The following CFAP47 variants were observed in gnomAD, a reference collection of about 807,000 sequenced individuals.
The protein encoded by CFAP47 is cilia- and flagella-associated protein 47.
Under a neutral mutation model 148.1 loss-of-function variants are expected in CFAP47, and 29 were observed. That is an observed-to-expected ratio of 0.20 (90% CI 0.15 to 0.27). The LOEUF is 0.27. CFAP47 is among the 10% of genes least tolerant of loss of function. CFAP47 has a pLI of 1.00. For synonymous variants in CFAP47, 664 were observed against 577.3 expected (o/e 1.15, Z -2.15); for missense variants, 1,872 against 1,697.5 (o/e 1.10, Z -1.81).
At chrX:36,332,257 T>C (rs782318987) in intron 57 of CFAP47, among the ~76,000 whole-genome samples, 30 of 108,942 alleles carry the variant, frequency 2.8e-4, no homozygotes, top group Non-Finnish European at 5.3e-4. Context: ...GTTGGAGCCC[T>C]ATCTGATATG....
At chrX:36,308,757 G>T (rs1941370563) in intron 55 of CFAP47, among the ~76,000 whole-genome samples, 1 of 110,836 alleles carries the variant, frequency 9.0e-6, no homozygotes, top group Admixed American at 9.6e-5. Context: ...ACTAATGGCT[G>T]TTCTTATAGG....
chrX:36,086,398 C>G (rs1347627559), intron 30 of CFAP47, among the ~76,000 whole-genome samples: 4 of 111,428 alleles, frequency 3.6e-5, no homozygotes, highest in African/African-American at 1.3e-4. Flanking sequence ...GCATTTATCA[C>G]TTATAATTGT....
intron 13 of CFAP47, among the ~76,000 whole-genome samples, chrX:35,974,113 A>C (rs570996486): frequency 1.2e-4 from 13 of 111,596 alleles, no homozygotes; most frequent in African/African-American, 2.9e-4. Flanking sequence ...GAAGAAACAT[A>C]AACCAGGTTA....
Position 36,302,525 on chromosome X carries a change from T to C in CFAP47, c.7971-1324T>C, listed in dbSNP as rs782702388. On this transcript the variant is annotated intron_variant, in intron 53 of 63. Transcript: ENST00000378653. ...TTTTATTACAGATTTGCTACCTAAA[T>C]ATTTTAATCTTACTCTATATTGTAA... 8.9e-5 allele frequency among the ~76,000 whole-genome samples: 10 copies of C among 111,936 alleles called. No individual in the cohort carries two copies. In the East Asian group the frequency reaches 2.2e-3, roughly 25 times the overall value.
At chrX:35,941,499 G>A in intron 3 of CFAP47, 101 bp downstream of exon 3, 1 of 436,452 alleles carries the variant, frequency 2.3e-6, no homozygotes, top group South Asian at 5.7e-5. Context: ...CTGAAAAAAG[G>A]TCTATCATTT....
chrX:35,962,926 G>GGTGTGT (rs59734260), intron 8 of CFAP47, among the ~76,000 whole-genome samples: 130 of 90,776 alleles, frequency 1.4e-3, no homozygotes, highest in East Asian at 5.3e-3. Flanking sequence ...AATAAAATGT[G>GGTGTGT]GTGTGTGTGT....
At chrX:36,296,603 C>T (rs1486218340) in intron 51 of CFAP47, among the ~76,000 whole-genome samples, 1 of 112,359 alleles carries the variant, frequency 8.9e-6, no homozygotes, top group Non-Finnish European at 1.9e-5. Context: ...GTGGTTAAAA[C>T]ATTTTGAAAC....
At chrX:36,258,624 A>G (rs968831992) in intron 49 of CFAP47, among the ~76,000 whole-genome samples, 1 of 111,961 alleles carries the variant, frequency 8.9e-6, no homozygotes, top group Non-Finnish European at 1.9e-5. Flanking sequence ...ATTTTCTCAA[A>G]TAAATGCAGC....
intron 22 of CFAP47, among the ~76,000 whole-genome samples, chrX:36,023,517 A>G (rs1012923555): frequency 9.0e-6 from 1 of 111,717 alleles, no homozygotes; most frequent in African/African-American, 3.3e-5. Flanking sequence ...GGCAAAACCA[A>G]CCAGTCTTGT....
intron 30 of CFAP47, among the ~76,000 whole-genome samples, chrX:36,089,870 C>T (rs1308188410): frequency 2.7e-5 from 3 of 111,595 alleles, no homozygotes; most frequent in Non-Finnish European, 5.7e-5. Context: ...ACGTGAATCA[C>T]GTGACATATA....
At chrX:36,336,524 C>T (rs1471012770) in intron 57 of CFAP47, among the ~76,000 whole-genome samples, 1 of 111,184 alleles carries the variant, frequency 9.0e-6, no homozygotes, top group East Asian at 2.8e-4. Flanking sequence ...TAGCAATAGA[C>T]AGATCTCAAG....
chrX:36,309,495 A>G (rs1330353891), intron 55 of CFAP47, among the ~76,000 whole-genome samples: 1 of 111,428 alleles, frequency 9.0e-6, no homozygotes, highest in Non-Finnish European at 1.9e-5. Context: ...TTAATTGTTG[A>G]GTGCATATGT....
intron 20 of CFAP47, among the ~76,000 whole-genome samples, chrX:36,001,132 C>T (rs1450449029): frequency 9.0e-6 from 1 of 111,536 alleles, no homozygotes; most frequent in Non-Finnish European, 1.9e-5. Context: ...CAATTACAGG[C>T]AAGATAGTAG....
intron 26 of CFAP47, among the ~76,000 whole-genome samples, chrX:36,059,976 C>T (rs1436898290): frequency 1.8e-5 from 2 of 111,178 alleles, no homozygotes; most frequent in African/African-American, 3.3e-5. Flanking sequence ...TCCCTCTCTT[C>T]CTTCCTCTCT....
intron 29 of CFAP47, among the ~76,000 whole-genome samples, chrX:36,076,714 T>C (rs1463646777): frequency 9.0e-6 from 1 of 111,665 alleles, no homozygotes; most frequent in Non-Finnish European, 1.9e-5. Context: ...AATAGTTTCC[T>C]TTGCTGTGCA....
chrX:36,326,425 G>C (rs2146970143), intron 57 of CFAP47, among the ~76,000 whole-genome samples: 1 of 111,645 alleles, frequency 9.0e-6, no homozygotes, highest in Non-Finnish European at 1.9e-5. Flanking sequence ...GAGTTGAACA[G>C]TTTGGAGGGC....
At chrX:36,215,081 A>G (rs1005247257) in intron 45 of CFAP47, among the ~76,000 whole-genome samples, 1 of 111,030 alleles carries the variant, frequency 9.0e-6, no homozygotes, top group Non-Finnish European at 1.9e-5. Flanking sequence ...CAGCATCACC[A>G]CATAATATGC....
chrX:36,370,523 G>T (rs1289134889), intron 62 of CFAP47, among the ~76,000 whole-genome samples: 1 of 110,384 alleles, frequency 9.1e-6, no homozygotes, highest in Non-Finnish European at 1.9e-5. Context: ...TTGGTTCCAA[G>T]TCTTCGCATG....
At chrX:36,171,375 G>A (rs1270157875) in intron 39 of CFAP47, among the ~76,000 whole-genome samples, 1 of 111,096 alleles carries the variant, frequency 9.0e-6, no homozygotes, top group Non-Finnish European at 1.9e-5. Context: ...CCTTGCCCAT[G>A]CTTGTGTCCT....
Sources: gnomAD v4.1 joint callset for allele counts (sites outside exome capture counted in the v4.1 genomes callset) on GRCh38, gnomAD v4.1.1 for gene constraint, MANE v1.5 for transcripts, NCBI Gene and HGNC (gene_info 2026-07-23, HGNC 2026-07-21) for gene names.